Variants in PDZRN4 observed in about 807,000 individuals in gnomAD.
The protein encoded by PDZRN4 is PDZ domain containing ring finger 4, also known as PDZ domain-containing RING finger protein 4.
In PDZRN4, 70 loss-of-function variants were observed where a neutral mutation model predicts 99.0. That is an observed-to-expected ratio of 0.71 (90% CI 0.58 to 0.86). The LOEUF (loss-of-function observed/expected upper bound fraction) is 0.86, where lower values mean the gene tolerates loss of function less well. PDZRN4 is among the 40% of genes least tolerant of loss of function. The pLI, the probability that PDZRN4 is intolerant of heterozygous loss-of-function variation, is 0.00. For synonymous variants in PDZRN4, 551 were observed against 501.6 expected, an observed-to-expected ratio of 1.10 and a Z score of -1.32; for missense variants, 1,474 against 1,331.2, an observed-to-expected ratio of 1.11 and a Z score of -1.67.
chr12:41,573,413 G>A lies in PDZRN4; in HGVS notation c.2634G>A (p.Glu878=). ...TCAGCTTGGTGAGCATGTGCAAGGA[G>A]TCTCAGAAGTGTTCAGAGCCCAAGA... ...SQLSLVSMCK[E]SQKCSEPKME... is the part of the protein sequence containing the mutation. The change falls in exon 10 of 10, where the codon GAG becomes GAA. Residue 878 remains glutamate (E), a synonymous_variant. Transcript: ENST00000402685. 1 of 1,613,664 alleles carries A rather than the reference G, an allele frequency of 6.2e-7. No individual in the cohort carries two copies. The highest frequency in any genetic ancestry group is 8.5e-7 in the Non-Finnish European group (1 of 1,180,014).
chr12:41,523,743 G>A (rs768976492), intron 5 of PDZRN4, among the ~76,000 whole-genome samples: 2 of 152,100 alleles, frequency 1.3e-5, no homozygotes, highest in Non-Finnish European at 2.9e-5. Flanking sequence ...AATAGCCAAA[G>A]AAGGCATCTC....
chr12:41,502,479 G>A (rs898754381), intron 3 of PDZRN4, among the ~76,000 whole-genome samples: 1 of 151,888 alleles, frequency 6.6e-6, no homozygotes, highest in Non-Finnish European at 1.5e-5. Flanking sequence ...TAACACATGG[G>A]TATTTTTTTC....
At chr12:41,465,547 T>A (rs1389357751) in intron 3 of PDZRN4, among the ~76,000 whole-genome samples, 2 of 152,238 alleles carry the variant, frequency 1.3e-5, no homozygotes, top group African/African-American at 2.4e-5. Context: ...TAAATGCCCT[T>A]CTTTGCTTAT....
intron 3 of PDZRN4, among the ~76,000 whole-genome samples, chr12:41,334,047 T>C (rs2120999684): frequency 1.3e-5 from 2 of 152,250 alleles, no homozygotes; most frequent in African/African-American, 4.8e-5. Context: ...TGACTACCAC[T>C]CTATTGGCAG....
chr12:41,242,917 C>T (rs560570264), intron 3 of PDZRN4, among the ~76,000 whole-genome samples: 2 of 152,202 alleles, frequency 1.3e-5, no homozygotes, highest in Non-Finnish European at 2.9e-5. Context: ...ATAGAATTGG[C>T]AGAAGCATCT....
intron 5 of PDZRN4, among the ~76,000 whole-genome samples, chr12:41,522,036 T>C (rs1041223552): frequency 6.6e-5 from 10 of 152,086 alleles, no homozygotes; most frequent in African/African-American, 2.2e-4. Flanking sequence ...GCCAGGAAGT[T>C]CATAATCCTT....
At chr12:41,207,884 G>T (rs1257612216) in intron 3 of PDZRN4, among the ~76,000 whole-genome samples, 1 of 151,532 alleles carries the variant, frequency 6.6e-6, no homozygotes, top group Non-Finnish European at 1.5e-5. Flanking sequence ...GGAGTTGATG[G>T]CTCCAACTCT....
chr12:41,270,631 T>G (rs1263678464), intron 3 of PDZRN4, among the ~76,000 whole-genome samples: 1 of 152,146 alleles, frequency 6.6e-6, no homozygotes, highest in Non-Finnish European at 1.5e-5. Context: ...TTCACCATTT[T>G]AAACTAACTG....
At chr12:41,363,387 A>G (rs1349293234) in intron 3 of PDZRN4, among the ~76,000 whole-genome samples, 1 of 152,144 alleles carries the variant, frequency 6.6e-6, no homozygotes, top group Non-Finnish European at 1.5e-5. Context: ...TTAAGAAAAA[A>G]TAAGCAAACA....
At chr12:41,471,199 T>C (rs981743777) in intron 3 of PDZRN4, among the ~76,000 whole-genome samples, 1 of 152,216 alleles carries the variant, frequency 6.6e-6, no homozygotes, top group Non-Finnish European at 1.5e-5. Context: ...ACTTAAATAT[T>C]ATGAAAGTAT....
At chr12:41,516,760 T>C (rs1464209495) in intron 5 of PDZRN4, among the ~76,000 whole-genome samples, 1 of 150,354 alleles carries the variant, frequency 6.7e-6, no homozygotes, top group Non-Finnish European at 1.5e-5. Flanking sequence ...TGGCTCATTA[T>C]GAATAGCAGC....
At chr12:41,517,673 A>T (rs1376455768) in intron 5 of PDZRN4, among the ~76,000 whole-genome samples, 1 of 152,110 alleles carries the variant, frequency 6.6e-6, no homozygotes. Context: ...CTGTGGAGTG[A>T]TTGGTCTGCA....
chr12:41,389,314 T>C (rs1452512637), intron 3 of PDZRN4, among the ~76,000 whole-genome samples: 4 of 152,150 alleles, frequency 2.6e-5, no homozygotes, highest in Non-Finnish European at 4.4e-5. Context: ...TAAAAACACA[T>C]CCTGTTTTAT....
chr12:41,407,712 GAAAA>G (rs5797731), intron 3 of PDZRN4, among the ~76,000 whole-genome samples: 5 of 138,134 alleles, frequency 3.6e-5, no homozygotes, highest in African/African-American at 1.2e-4. Context: ...GTACAAAAGA[GAAAA>G]AAAAAAAACA....
intron 3 of PDZRN4, among the ~76,000 whole-genome samples, chr12:41,232,074 G>A (rs2060054): frequency 0.67 from 101,505 of 151,768 alleles, 34,072 homozygotes; most frequent in South Asian, 0.73. Flanking sequence ...CTATTTCTAA[G>A]AGGCCAGTTT....
At chr12:41,446,747 G>A (rs1952732070) in intron 3 of PDZRN4, among the ~76,000 whole-genome samples, 1 of 151,924 alleles carries the variant, frequency 6.6e-6, no homozygotes, top group Non-Finnish European at 1.5e-5. Flanking sequence ...GGACATGGCA[G>A]AGAAAAGATA....
Position 41,309,591 on chromosome 12 carries a change from G to A in PDZRN4, c.843+115403G>A, listed in dbSNP as rs1565547934. Among the ~76,000 whole-genome samples the A allele has an allele frequency of 2.6e-5, 4 of 152,054 alleles. No homozygotes were observed. The South Asian group carries it at 6.2e-4, about 24-fold the overall frequency. On this transcript the variant is annotated intron_variant, in intron 3 of 9. Transcript: ENST00000402685. ...GGAGACATAGTCAAGGTAACTATAA[G>A]TAATATTAAAGTTAAAAATATGACT... is the stretch of plus-strand genomic sequence containing the variant.
At chr12:41,322,538 T>A (rs1244420317) in intron 3 of PDZRN4, among the ~76,000 whole-genome samples, 1 of 124,974 alleles carries the variant, frequency 8.0e-6, no homozygotes, top group East Asian at 2.8e-4. Flanking sequence ...TCACCCAGGC[T>A]GGAGTTCAGT....
intron 3 of PDZRN4, among the ~76,000 whole-genome samples, chr12:41,378,546 G>C (rs1286938547): frequency 1.1e-3 from 37 of 34,946 alleles, no homozygotes; most frequent in African/African-American, 3.0e-3. Context: ...TTTTGAGACA[G>C]AGTTTTGCTC....
Sources: gnomAD v4.1 joint callset for allele counts (sites outside exome capture counted in the v4.1 genomes callset) on GRCh38, gnomAD v4.1.1 for gene constraint, MANE v1.5 for transcripts, NCBI Gene and HGNC (gene_info 2026-07-23, HGNC 2026-07-21) for gene names.